Variants in SYT14 observed in about 807,000 individuals in gnomAD.
SYT14 encodes synaptotagmin 14.
Under a neutral mutation model 74.2 loss-of-function variants are expected in SYT14, and 32 were observed. That is an observed-to-expected ratio of 0.43 (90% CI 0.33 to 0.58). The LOEUF (loss-of-function observed/expected upper bound fraction) is 0.58, where lower values mean the gene tolerates loss of function less well. SYT14 is among the 20% of genes least tolerant of loss of function. The probability of loss-of-function intolerance (pLI) is 0.05; values close to 1 mark genes in which losing one functional copy is unlikely to be tolerated. For synonymous variants in SYT14, 298 were observed against 337.7 expected, an observed-to-expected ratio of 0.88 and a Z score of 1.29; for missense variants, 791 against 981.8, an observed-to-expected ratio of 0.81 and a Z score of 2.60.
intron 2 of SYT14, among the ~76,000 whole-genome samples, chr1:209,974,298 C>G (rs1030049996): frequency 2.0e-5 from 3 of 152,120 alleles, no homozygotes; most frequent in African/African-American, 7.2e-5. Flanking sequence ...TGCCTATGTC[C>G]TGAATGGTAT....
chr1:210,079,931 A>C (rs1332450105), intron 5 of SYT14, among the ~76,000 whole-genome samples: 1 of 152,240 alleles, frequency 6.6e-6, no homozygotes, highest in Admixed American at 6.5e-5. Context: ...ATTTATCAAG[A>C]GTCTTTTAGT....
chr1:210,148,199 C>T (rs1572380596), intron 7 of SYT14, among the ~76,000 whole-genome samples: 2 of 152,114 alleles, frequency 1.3e-5, no homozygotes, highest in East Asian at 3.8e-4. Context: ...GGATTTCAGC[C>T]CCTATCAGTA....
chr1:210,088,008 G>A (rs1322805481), intron 5 of SYT14, among the ~76,000 whole-genome samples: 1 of 152,102 alleles, frequency 6.6e-6, no homozygotes. Flanking sequence ...AATACTTTAT[G>A]TAATCTCTTT....
At chr1:210,081,424 G>C (rs79139765) in intron 5 of SYT14, among the ~76,000 whole-genome samples, 6 of 152,258 alleles carry the variant, frequency 3.9e-5, no homozygotes, top group African/African-American at 1.2e-4. Context: ...CAAGTAACAC[G>C]ATATTTTTGG....
chr1:210,025,052 A>G (rs184829042), intron 5 of SYT14, among the ~76,000 whole-genome samples: 69 of 152,292 alleles, frequency 4.5e-4, no homozygotes, highest in Admixed American at 2.1e-3. Context: ...CTTAGCATCT[A>G]TTCTCTCCTT....
At chr1:210,110,815 G>C (rs1377028829) in intron 7 of SYT14, among the ~76,000 whole-genome samples, 2 of 152,188 alleles carry the variant, frequency 1.3e-5, no homozygotes, top group Non-Finnish European at 2.9e-5. Flanking sequence ...CGCGATCTCA[G>C]CTTACCACAA....
intron 2 of SYT14, among the ~76,000 whole-genome samples, chr1:210,002,731 T>C (rs984129807): frequency 3.3e-5 from 5 of 152,198 alleles, no homozygotes; most frequent in Non-Finnish European, 7.4e-5. Context: ...TTGGCCATTT[T>C]TGTTTTATCC....
At chr1:210,015,723 T>C (rs761667904) in exon 4 of SYT14, 51 of 290,038 alleles carry the variant, frequency 1.8e-4, no homozygotes, top group Non-Finnish European at 2.7e-4. Context: ...GGGAAAAATA[T>C]TGTCTTGCTG....
intron 7 of SYT14, among the ~76,000 whole-genome samples, chr1:210,128,232 T>G (rs2082607291): frequency 6.6e-6 from 1 of 151,568 alleles, no homozygotes; most frequent in African/African-American, 2.4e-5. Flanking sequence ...AAAAAATTAG[T>G]TGGGCATGGT....
intron 1 of SYT14, among the ~76,000 whole-genome samples, chr1:209,943,430 G>A (rs918101826): frequency 4.9e-5 from 7 of 141,734 alleles, no homozygotes; most frequent in Non-Finnish European, 1.1e-4. Context: ...ACCTAAACCC[G>A]GGAACCCGGG....
chr1:210,134,179 T>A (rs969688190), intron 7 of SYT14, among the ~76,000 whole-genome samples: 1 of 152,104 alleles, frequency 6.6e-6, no homozygotes, highest in African/African-American at 2.4e-5. Context: ...CGTGGCTCAC[T>A]GCAGCCTCAA....
chr1:210,061,543 A>G (rs899979737), intron 5 of SYT14, among the ~76,000 whole-genome samples: 3 of 151,902 alleles, frequency 2.0e-5, no homozygotes, highest in Non-Finnish European at 2.9e-5. Flanking sequence ...GACATAAACT[A>G]GAGTCTGGTA....
intron 7 of SYT14, among the ~76,000 whole-genome samples, chr1:210,144,923 A>T (rs2082998563): frequency 6.6e-6 from 1 of 151,728 alleles, no homozygotes; most frequent in South Asian, 2.1e-4. Flanking sequence ...TGGGATACGG[A>T]GTCTTTAGCA....
intron 7 of SYT14, among the ~76,000 whole-genome samples, chr1:210,108,806 G>A (rs2082205979): frequency 6.6e-6 from 1 of 152,194 alleles, no homozygotes; most frequent in African/African-American, 2.4e-5. Flanking sequence ...AAGGTTAGTG[G>A]ACTGAAAGTC....
chr1:209,959,874 C>A (rs2079052241), intron 2 of SYT14, among the ~76,000 whole-genome samples: 1 of 152,064 alleles, frequency 6.6e-6, no homozygotes, highest in African/African-American at 2.4e-5. Context: ...GAATATATTA[C>A]AGAACACTGA....
chr1:209,952,420 G>A (rs1163785774), intron 1 of SYT14, among the ~76,000 whole-genome samples: 2 of 152,156 alleles, frequency 1.3e-5, no homozygotes, highest in African/African-American at 2.4e-5. Context: ...GATGTGAAGA[G>A]ATGCTTGGGA....
intron 2 of SYT14, among the ~76,000 whole-genome samples, chr1:209,972,593 T>G (rs187221333): frequency 5.3e-5 from 8 of 152,292 alleles, no homozygotes; most frequent in Admixed American, 2.6e-4. Flanking sequence ...CTGCCTTAGT[T>G]TTATTGTTTA....
At chr1:210,003,897 A>G (rs1289213282) in intron 2 of SYT14, among the ~76,000 whole-genome samples, 2 of 152,058 alleles carry the variant, frequency 1.3e-5, no homozygotes, top group Non-Finnish European at 2.9e-5. Context: ...TTATTTTTTT[A>G]ACAAATGCTG....
chr1:210,047,441 G>A (rs1456704371), intron 5 of SYT14, among the ~76,000 whole-genome samples: 2 of 151,828 alleles, frequency 1.3e-5, no homozygotes, highest in Non-Finnish European at 2.9e-5. Context: ...ACTGTCGGCC[G>A]GGCTGGAGTG....
Sources: gnomAD v4.1 joint callset for allele counts (sites outside exome capture counted in the v4.1 genomes callset) on GRCh38, gnomAD v4.1.1 for gene constraint, MANE v1.5 for transcripts, NCBI Gene and HGNC (gene_info 2026-07-23, HGNC 2026-07-21) for gene names.